Variants in MYH7B observed in about 807,000 individuals in gnomAD.
MYH7B encodes the protein myosin-7B.
Under a neutral mutation model 234.5 loss-of-function variants are expected in MYH7B, and 205 were observed. The ratio of observed to expected loss-of-function variants is 0.87; its 90% confidence interval spans 0.78 to 0.98. The LOEUF (loss-of-function observed/expected upper bound fraction) is 0.98, where lower values mean the gene tolerates loss of function less well. MYH7B is among the 50% of genes least tolerant of loss of function. MYH7B has a pLI of 0.00. For synonymous variants in MYH7B, 1,193 were observed against 1,105.0 expected, an observed-to-expected ratio of 1.08 and a Z score of -1.58; for missense variants, 2,652 against 2,633.4, an observed-to-expected ratio of 1.01 and a Z score of -0.15.
At chr20:34,960,345 C>T (rs1183213618) in intron 2 of MYH7B, among the ~76,000 whole-genome samples, 3 of 152,206 alleles carry the variant, frequency 2.0e-5, no homozygotes, top group African/African-American at 4.8e-5. Flanking sequence ...ATGCCATTCT[C>T]CTACCTCAGC....
At chr20:34,969,929 A>G (rs2081777576) in intron 2 of MYH7B, among the ~76,000 whole-genome samples, 1 of 152,036 alleles carries the variant, frequency 6.6e-6, no homozygotes, top group Admixed American at 6.6e-5. Flanking sequence ...GTCAGGTACT[A>G]TTCTAAGCAT....
chr20:34,958,098 G>C (rs913080227), exon 2 of MYH7B, among the ~76,000 whole-genome samples: 1 of 152,212 alleles, frequency 6.6e-6, no homozygotes, highest in African/African-American at 2.4e-5. Flanking sequence ...CTCTGTGCAG[G>C]TTCCCCTCTT....
chr20:34,974,226 CTTTTTTT>C (rs1184689535), intron 2 of MYH7B, among the ~76,000 whole-genome samples: 105 of 123,364 alleles, frequency 8.5e-4, no homozygotes, highest in African/African-American at 3.1e-3. Context: ...CATGCCCAGC[CTTTTTTT>C]TTTTTTTTTT....
chr20:35,001,656 T>C, intron 43 of MYH7B, 130 bp downstream of exon 43: 1 of 857,916 alleles, frequency 1.2e-6, no homozygotes, highest in South Asian at 1.7e-5. Context: ...GAGAAGCTTC[T>C]AACATCTCTG....
Position 34,988,255 on chromosome 20 carries a change from T to C in MYH7B, c.1580T>C (p.Ile527Thr), listed in dbSNP as rs754873868. 1.9e-6 allele frequency: 3 copies of C among 1,611,480 alleles called. No individual in the cohort carries two copies. In the African/African-American group the frequency reaches 4.0e-5, roughly 22 times the overall value. Reference sequence around the variant, plus strand: ...GACCTGCAGCCTTGCATCGACCTCATCGAGAAGGTGGGTGCCGCGGCAAGG... The same window carrying C: ...GACCTGCAGCCTTGCATCGACCTCACCGAGAAGGTGGGTGCCGCGGCAAGG... The change falls in exon 19 of 45, where the codon ATC (isoleucine) becomes ACC (threonine). Residue 527 changes from isoleucine (I) to threonine (T), a missense_variant. By Grantham distance (89) the Ile-to-Thr change is moderately conservative (BLOSUM62 -1). This residue lies in a region of MYH7B where 2,279 missense variants were observed against 2,211.4 expected (regional missense o/e 1.03). Transcript: ENST00000262873.
intron 40 of MYH7B, 33 bp downstream of exon 40, chr20:35,000,926 G>A (rs1180383300): frequency 6.2e-7 from 1 of 1,610,088 alleles, no homozygotes; most frequent in Non-Finnish European, 8.5e-7. Flanking sequence ...GGGAGCCTGG[G>A]ACAGAATTGC....
chr20:34,965,404 C>T (rs375034084), intron 2 of MYH7B, among the ~76,000 whole-genome samples: 8 of 152,184 alleles, frequency 5.3e-5, no homozygotes, highest in Admixed American at 1.3e-4. Context: ...GGCCTGAGGG[C>T]GCAGCAGGGA....
At chr20:34,992,156 C>T (rs2082163131) in intron 24 of MYH7B, among the ~76,000 whole-genome samples, 1 of 152,172 alleles carries the variant, frequency 6.6e-6, no homozygotes, top group South Asian at 2.1e-4. Flanking sequence ...GAGGCCGAGG[C>T]AGGCGGATCA....
rs530962986 is a variant in MYH7B at position 34,999,132 on chromosome 20, A to G, written c.4267A>G (p.Lys1423Glu). The change falls in exon 36 of 45, where the codon AAG (lysine) becomes GAG (glutamate). Residue 1423 changes from lysine (K) to glutamate (E), a missense_variant. By Grantham distance (56) the Lys-to-Glu change is moderately conservative. Around this residue, in one of 3 missense-constraint regions of MYH7B, gnomAD observed 2,279 missense variants for 2,211.4 expected, o/e 1.03. Transcript: ENST00000262873. ...CAACGCCAAGTGCTCATCGTTGGAG[A>G]AGGCCAAGCTGCGGCTACAGACAGA... is the stretch of plus-strand genomic sequence containing the variant. 11 of 1,613,702 alleles carry G rather than the reference A, an allele frequency of 6.8e-6. No individual in the cohort carries two copies. The African/African-American group carries it at 8.0e-5, about 12-fold the overall frequency.
At chr20:34,963,520 C>T (rs1199771896) in intron 2 of MYH7B, among the ~76,000 whole-genome samples, 1 of 152,128 alleles carries the variant, frequency 6.6e-6, no homozygotes, top group Non-Finnish European at 1.5e-5. Flanking sequence ...TAATTTGTCC[C>T]ATTCTGTGGA....
chr20:34,980,001 C>T, intron 7 of MYH7B, 197 bp downstream of exon 7: 3 of 616,716 alleles, frequency 4.9e-6, no homozygotes, highest in Admixed American at 3.0e-5. Flanking sequence ...GGGGGCGGGG[C>T]TGGAGGTTGG....
At chr20:34,987,979 G>A (rs2082062427) in intron 18 of MYH7B, 65 bp downstream of exon 18, 4 of 1,557,672 alleles carry the variant, frequency 2.6e-6, no homozygotes, top group Admixed American at 1.8e-5. Context: ...CCTGTGGGGG[G>A]GCAGAAGCCC....
At chr20:35,000,724 C>T (rs1214156712) in intron 39 of MYH7B, 35 bp downstream of exon 39, 4 of 1,605,170 alleles carry the variant, frequency 2.5e-6, no homozygotes, top group Non-Finnish European at 3.4e-6. Context: ...AGAGCAGGTG[C>T]AGGCCTGCTG....
At chr20:34,959,807 T>G (rs2081675600) in intron 2 of MYH7B, among the ~76,000 whole-genome samples, 1 of 152,184 alleles carries the variant, frequency 6.6e-6, no homozygotes, top group Non-Finnish European at 1.5e-5. Flanking sequence ...ATCTGTTTTT[T>G]CCTAACAATA....
chr20:34,976,783 G>A (rs1313316833), intron 3 of MYH7B, among the ~76,000 whole-genome samples: 2 of 152,204 alleles, frequency 1.3e-5, no homozygotes, highest in African/African-American at 2.4e-5. Context: ...AGAGGGCATC[G>A]ATGTGCTCCC....
At chr20:34,999,506 A>C (rs769735237) in intron 36 of MYH7B, 65 bp from the exon 37 acceptor site, 6 of 1,538,492 alleles carry the variant, frequency 3.9e-6, no homozygotes, top group African/African-American at 1.4e-5. Context: ...ATCAGGGGTG[A>C]GTGGAGTGAC....
At chr20:34,979,262 T>C in intron 5 of MYH7B, 128 bp from the exon 6 acceptor site, 2 of 671,306 alleles carry the variant, frequency 3.0e-6, no homozygotes, top group East Asian at 2.8e-5. Context: ...TCACTGGAAC[T>C]CCTGGGTCCT....
chr20:35,000,719 AG>A (rs2082356476), intron 39 of MYH7B, 30 bp downstream of exon 39: 1 of 1,604,262 alleles, frequency 6.2e-7, no homozygotes, highest in African/African-American at 1.3e-5. Flanking sequence ...GGGACAGAGC[AG>A]GTGCAGGCCT....
chr20:34,984,669 T>C, intron 10 of MYH7B, 23 bp from the exon 11 acceptor site: 1 of 1,539,936 alleles, frequency 6.5e-7, no homozygotes, highest in Non-Finnish European at 8.8e-7. Context: ...GGCCCTCTAA[T>C]GTTGTCTGTC....
Sources: allele counts gnomAD v4.1 joint callset (sites outside exome capture counted in the v4.1 genomes callset), GRCh38; gene constraint gnomAD v4.1.1; regional missense constraint gnomAD v4.1.1; transcripts MANE v1.5; gene names NCBI Gene and HGNC (gene_info 2026-07-23, HGNC 2026-07-21).